RAB2B: variants seen among roughly 807,000 people sequenced by gnomAD.
The protein encoded by RAB2B is ras-related protein Rab-2B.
RAB2B carries 20 observed loss-of-function variants against 29.8 expected under a neutral mutation model. The ratio of observed to expected loss-of-function variants is 0.67; its 90% CI spans 0.47 to 0.97. The LOEUF (loss-of-function observed/expected upper bound fraction) is 0.97. Ranked by LOEUF, RAB2B falls within the 50% of genes least tolerant of loss-of-function variation. RAB2B has a pLI of 0.00. For synonymous variants in RAB2B, 93 were observed against 91.7 expected (o/e 1.01, Z -0.08); for missense variants, 218 against 272.0 (o/e 0.80, Z 1.40).
In RAB2B at chr14:21,476,591, T is replaced by C; in HGVS notation, c.55A>G (p.Lys19Glu). 3 of 1,613,596 alleles carry C rather than the reference T, an allele frequency of 1.9e-6. No homozygotes were observed. The highest frequency in any genetic ancestry group is 2.5e-6 in the Non-Finnish European group (3 of 1,179,974). The change falls in exon 2 of 8, where the codon AAG (lysine) becomes GAG (glutamate). Residue 19 changes from lysine to glutamate, a missense_variant. Physicochemically the swap from Lys to Glu is moderately conservative, Grantham distance 56. Transcript: ENST00000397762. ...GTAAACTGCAGGAGGAGACATGACT[T>C]CCCCACACCTGAAAGAGAAAGCACA... ...YIIIGDTGVG[K>E]SCLLLQFTDK...
intron 2 of RAB2B, 51 bp from the exon 3 acceptor site, chr14:21,474,985 C>G (rs564256272): frequency 4.7e-6 from 7 of 1,488,158 alleles, no homozygotes; most frequent in Non-Finnish European, 6.6e-6. Flanking sequence ...ACAGCAGCCA[C>G]GTGGAGTGGG....
At chr14:21,470,525 T>C (rs1047385556) in intron 3 of RAB2B, among the ~76,000 whole-genome samples, 3 of 152,122 alleles carry the variant, frequency 2.0e-5, no homozygotes, top group African/African-American at 7.2e-5. Flanking sequence ...TGTGAGTGAG[T>C]TGCATAGCTG....
intron 1 of RAB2B, 38 bp from the exon 2 acceptor site, chr14:21,476,637 TG>T (rs773828468): frequency 1.1e-5 from 17 of 1,613,594 alleles, no homozygotes; most frequent in East Asian, 2.2e-5. Flanking sequence ...CACGCAGCCC[TG>T]GAACACCTTC....
At chr14:21,476,348 C>T (rs1018328157) in intron 2 of RAB2B, 180 bp downstream of exon 2, 2 of 641,220 alleles carry the variant, frequency 3.1e-6, no homozygotes, top group Non-Finnish European at 5.5e-6. Context: ...TATACTCTCC[C>T]TTACACTACT....
chr14:21,476,878 C>T lies in RAB2B; in HGVS notation c.-6G>A. The T allele has an allele frequency of 8.1e-6, 13 of 1,613,326 alleles. No individual in the cohort carries two copies. Among genetic ancestry groups the T allele is most frequent in the Non-Finnish European group, 1.0e-5 (12 of 1,180,016 alleles). Reference sequence around the variant, plus strand: ...AAGAGATAAGCATAAGTCATGGTGTCGCGTCCTCTGGGTTCCGGGTCCGCC... The same window carrying T: ...AAGAGATAAGCATAAGTCATGGTGTTGCGTCCTCTGGGTTCCGGGTCCGCC... On this transcript the variant is annotated 5_prime_UTR_variant, in exon 1 of 8. Coordinates refer to ENST00000397762, the MANE Select transcript of RAB2B (RefSeq NM_032846.4).
At chr14:21,475,352 A>G (rs996998603) in intron 2 of RAB2B, among the ~76,000 whole-genome samples, 9 of 152,156 alleles carry the variant, frequency 5.9e-5, no homozygotes, top group Admixed American at 5.2e-4. Context: ...CTCTACTTAA[A>G]ACAATATTTA....
At chr14:21,463,804 A>G (rs762067000) in intron 5 of RAB2B, 37 bp from the exon 6 acceptor site, 1 of 1,344,752 alleles carries the variant, frequency 7.4e-7, no homozygotes, top group East Asian at 2.3e-5. Flanking sequence ...TTTAAAAAAA[A>G]GATCCAAGTG....
At chr14:21,461,446 G>T in intron 7 of RAB2B, 143 bp from the exon 8 acceptor site, 1 of 575,818 alleles carries the variant, frequency 1.7e-6, no homozygotes, top group Non-Finnish European at 2.9e-6. Flanking sequence ...TTTTCTAAAA[G>T]CAGATTTGAC....
At chr14:21,468,298 T>A (rs1408013583) in intron 5 of RAB2B, 59 bp downstream of exon 5, 8 of 1,316,488 alleles carry the variant, frequency 6.1e-6, no homozygotes, top group Admixed American at 1.8e-5. Context: ...TGGGGATCAA[T>A]GTGCATAGAG....
At chr14:21,467,068 G>A (rs2139598424) in intron 5 of RAB2B, among the ~76,000 whole-genome samples, 1 of 152,202 alleles carries the variant, frequency 6.6e-6, no homozygotes, top group African/African-American at 2.4e-5. Flanking sequence ...CACCACGCCT[G>A]GCTACTTTTT....
rs1890480500 is a variant in RAB2B at position 21,459,245 on chromosome 14, C to G, written c.*1951G>C. 1 of 152,092 alleles carries G rather than the reference C, an allele frequency of 6.6e-6. No homozygotes were observed. The highest frequency in any genetic ancestry group is 1.5e-5 in the Non-Finnish European group (1 of 68,040). The allele number at this position is 152,092 out of a possible 1,614,324, so 9.4% of individuals were successfully genotyped here. On this transcript the variant is annotated 3_prime_UTR_variant, in exon 8 of 8. Coordinates refer to ENST00000397762, the MANE Select transcript of RAB2B (RefSeq NM_032846.4). ...AAGAGAATGGCTGGATAGGTACCCA[C>G]TTATGTGACTGCTTACTAGCAGGCA...
chr14:21,476,430 AC>A (rs1890968182), intron 2 of RAB2B, 97 bp downstream of exon 2: 4 of 1,407,236 alleles, frequency 2.8e-6, no homozygotes, highest in Middle Eastern at 1.9e-4. Flanking sequence ...GTGAGGGGTA[AC>A]TTTTTACTTC....
intron 5 of RAB2B, among the ~76,000 whole-genome samples, chr14:21,467,670 C>T (rs1890717466): frequency 6.6e-6 from 1 of 151,952 alleles, no homozygotes; most frequent in African/African-American, 2.4e-5. Context: ...GGTGGTTCTT[C>T]AAAAAATAAA....
Position 21,463,682 on chromosome 14 carries a change from C to G in RAB2B, c.448G>C (p.Ala150Pro). ...EHGLIFMETSAKTACNVEEAF... is the reference protein window; with the variant it reads ...EHGLIFMETSPKTACNVEEAF... ...TCTTCAACATTGCAGGCTGTTTTGG[C>G]TGAAGTTTCCATGAATATAAGTCCA... is the stretch of plus-strand genomic sequence containing the variant. The change falls in exon 6 of 8, where the codon GCC (alanine) becomes CCC (proline). Residue 150 changes from alanine to proline, a missense_variant. Ala to Pro is a conservative substitution (Grantham distance 27, BLOSUM62 -1). Coordinates refer to ENST00000397762, the MANE Select transcript of RAB2B (RefSeq NM_032846.4). 6.2e-7 allele frequency: 1 copy of G among 1,613,852 alleles called. No individual in the cohort carries two copies. Among genetic ancestry groups the G allele is most frequent in the Non-Finnish European group, 8.5e-7 (1 of 1,179,750 alleles).
chr14:21,468,388 T>G lies in RAB2B; in HGVS notation c.331A>C (p.Asn111His). Residue 111 changes from asparagine to histidine, a missense_variant, in exon 5 of 8, where the codon AAC (asparagine) becomes CAC (histidine). Asn to His is a moderately conservative substitution (Grantham distance 68). Coordinates refer to ENST00000397762, the MANE Select transcript of RAB2B (RefSeq NM_032846.4). The part of the protein sequence containing the change: ...LEDARQHSSS[N>H]MVIMLIGNKS... ...TTCCCAATGAGCATGATAACCATGT[T>G]GGAACTAGAGTGCTGCCGGGCATCC... is the stretch of plus-strand genomic sequence containing the variant. The G allele has an allele frequency of 6.2e-7, 1 of 1,614,066 alleles. No homozygotes were observed. Among genetic ancestry groups the G allele is most frequent in the South Asian group, 1.1e-5 (1 of 91,080 alleles).
In RAB2B at chr14:21,460,920, T is replaced by A. The variant is rs908689607; in HGVS notation, c.*276A>T. On this transcript the variant is annotated 3_prime_UTR_variant, in exon 8 of 8. Transcript: ENST00000397762. The stretch of plus-strand genomic sequence containing the variant: ...GAGCCATGGCGCCCCGCCATGAAAT[T>A]ATTTTTTAACTACTGTGATAATCAA... 2.7e-5 allele frequency: 6 copies of A among 221,508 alleles called. No individual in the cohort carries two copies. The highest frequency in any genetic ancestry group is 1.4e-4 in the African/African-American group (6 of 43,796). 13.7% of individuals were successfully genotyped at this position (221,508 alleles called of 1,614,324 possible).
chr14:21,475,227 T>C (rs1196003319), intron 2 of RAB2B, among the ~76,000 whole-genome samples: 1 of 152,220 alleles, frequency 6.6e-6, no homozygotes, highest in African/African-American at 2.4e-5. Flanking sequence ...AATACTTTTT[T>C]AGCAATGTTA....
chr14:21,462,880 A>C (rs1890597550), intron 6 of RAB2B, among the ~76,000 whole-genome samples: 1 of 151,938 alleles, frequency 6.6e-6, no homozygotes, highest in Non-Finnish European at 1.5e-5. Flanking sequence ...AAAACATAGA[A>C]GGTCCCCCAA....
chr14:21,474,826 C>G, intron 3 of RAB2B, 41 bp downstream of exon 3: 1 of 1,530,146 alleles, frequency 6.5e-7, no homozygotes, highest in Non-Finnish European at 9.1e-7. Context: ...TCTTGTTATA[C>G]TTGGATATTG....
Sources: gnomAD v4.1 joint callset for allele counts (sites outside exome capture counted in the v4.1 genomes callset) on GRCh38, gnomAD v4.1.1 for gene constraint, MANE v1.5 for transcripts, NCBI Gene and HGNC (gene_info 2026-07-23, HGNC 2026-07-21) for gene names.